The following COL6A6 variants were observed in gnomAD, a reference collection of about 807,000 sequenced individuals.
The protein encoded by COL6A6 is collagen alpha-6(VI) chain.
Under a neutral mutation model 208.6 loss-of-function variants are expected in COL6A6, and 183 were observed. The observed-to-expected ratio is 0.88, with a 90% CI of 0.78 to 0.99. The LOEUF (loss-of-function observed/expected upper bound fraction) is 0.99, where lower values mean the gene tolerates loss of function less well. Among genes scored for constraint, COL6A6 ranks in the 50% least tolerant of loss-of-function variants. The pLI is 0.00. For missense variants in COL6A6, 2,816 were observed against 2,815.2 expected, an observed-to-expected ratio of 1.00 and a Z score of -0.01; for synonymous variants, 973 against 1,011.8, an observed-to-expected ratio of 0.96 and a Z score of 0.73.
chr3:130,603,415 C>T (rs1310319368), intron 20 of COL6A6, among the ~76,000 whole-genome samples: 1 of 152,126 alleles, frequency 6.6e-6, no homozygotes, highest in Non-Finnish European at 1.5e-5. Context: ...GGGGATGGAC[C>T]TGTAGAGCTA....
intron 24 of COL6A6, among the ~76,000 whole-genome samples, chr3:130,626,121 C>T (rs1045235526): frequency 3.3e-5 from 5 of 152,176 alleles, no homozygotes; most frequent in Non-Finnish European, 7.4e-5. Flanking sequence ...GATTCTCCCT[C>T]AGAATATTAA....
intron 20 of COL6A6, among the ~76,000 whole-genome samples, chr3:130,602,022 T>G (rs2064038297): frequency 6.6e-6 from 1 of 152,078 alleles, no homozygotes; most frequent in South Asian, 2.1e-4. Flanking sequence ...AATATACACA[T>G]AGGGCCATAG....
chr3:130,661,509 A>T lies in COL6A6; in HGVS notation c.5831-128A>T. ...CCATGTACTAGGAAATCTTCCTGTT[A>T]CTATTAAAGTATTTAGTCACTATTT... On this transcript the variant is annotated intron_variant, in intron 34 of 36. Coordinates refer to ENST00000358511, the MANE Select transcript of COL6A6 (RefSeq NM_001102608.3). 4.3e-6 allele frequency: 3 copies of T among 701,100 alleles called. No homozygotes were observed. In the South Asian group the frequency reaches 6.9e-5, roughly 16 times the overall value. The allele number at this position is 701,100 out of a possible 1,614,324, so 43.4% of individuals were successfully genotyped here. A position where few individuals can be genotyped will look rare whatever the true frequency, so the allele number is the denominator to read the frequency against.
At chr3:130,537,095 A>G (rs1360974659) in intron 1 of COL6A6, among the ~76,000 whole-genome samples, 1 of 152,250 alleles carries the variant, frequency 6.6e-6, no homozygotes, top group Non-Finnish European at 1.5e-5. Context: ...GATGGCAGTC[A>G]TATTCAACTG....
intron 18 of COL6A6, among the ~76,000 whole-genome samples, chr3:130,597,612 T>C (rs943092518): frequency 2.0e-5 from 3 of 152,194 alleles, no homozygotes; most frequent in African/African-American, 7.2e-5. Flanking sequence ...GCTCAACTGA[T>C]TGTCTCAACA....
At chr3:130,582,197 T>A in intron 10 of COL6A6, 129 bp downstream of exon 10, 1 of 633,848 alleles carries the variant, frequency 1.6e-6, no homozygotes, top group East Asian at 2.7e-5. Context: ...CCGTATTCTG[T>A]ATGTACTAGG....
chr3:130,533,549 ATGTT>A (rs1327073100), intron 1 of COL6A6, among the ~76,000 whole-genome samples: 2 of 152,154 alleles, frequency 1.3e-5, no homozygotes, highest in Admixed American at 6.5e-5. Context: ...ACATCTTTCA[ATGTT>A]TGTTCAGACT....
chr3:130,527,805 G>T (rs2061991757), intron 1 of COL6A6, among the ~76,000 whole-genome samples: 1 of 151,638 alleles, frequency 6.6e-6, no homozygotes, highest in South Asian at 2.1e-4. Flanking sequence ...CTTATCATCT[G>T]GGACCTTCTA....
rs577276820 is a variant in COL6A6 at position 130,592,816 on chromosome 3, G to A, written c.4371+94G>A. 1.5e-5 allele frequency: 19 copies of A among 1,249,176 alleles called. No individual in the cohort carries two copies. In the East Asian group the frequency reaches 3.8e-4, roughly 25 times the overall value. The allele number at this position is 1,249,176 out of a possible 1,614,324, so 77.4% of individuals were successfully genotyped here. ...TTTATCAGTAAATTATACAAATAAA[G>A]TTGTCATTGACTTTCCTTTTTTATT... is the stretch of plus-strand genomic sequence containing the variant. On this transcript the variant is annotated intron_variant, in intron 15 of 36. Transcript: ENST00000358511.
At chr3:130,638,999 A>G (rs199652540) in intron 28 of COL6A6, among the ~76,000 whole-genome samples, 4 of 152,308 alleles carry the variant, frequency 2.6e-5, no homozygotes, top group East Asian at 3.9e-4. Flanking sequence ...GTGTTGGTCA[A>G]TTATTTTGAT....
Position 130,639,585 on chromosome 3 carries a change from AG to A in COL6A6, c.5092-2062del, listed in dbSNP as rs377666061. Among the ~76,000 whole-genome samples, 708 of 151,670 alleles carry A rather than the reference AG, an allele frequency of 4.7e-3. 1 individual carries two copies. The highest frequency in any genetic ancestry group is 0.014 in the South Asian group (69 of 4,762). On this transcript the variant is annotated intron_variant, in intron 28 of 36. Transcript: ENST00000358511. ...GCATGTACCTGTAGCCCCAGCTACC[AG>A]GGGGCTGAGGTGTGAGGATCACCTG...
chr3:130,603,061 C>T (rs180977464), intron 20 of COL6A6, among the ~76,000 whole-genome samples: 8 of 152,218 alleles, frequency 5.3e-5, no homozygotes, highest in East Asian at 1.9e-4. Flanking sequence ...GAGTGGCATG[C>T]GGGGAAATAA....
chr3:130,570,624 A>G (rs1251188007), intron 6 of COL6A6, among the ~76,000 whole-genome samples, 194 bp from the exon 7 acceptor site: 2 of 152,058 alleles, frequency 1.3e-5, no homozygotes, highest in Admixed American at 6.5e-5. Flanking sequence ...TTACAAGCTC[A>G]CCTAAGTGAG....
rs200576820 is a variant in COL6A6, at chr3:130,565,603, C to T, written c.1271C>T (p.Thr424Met). 5.6e-5 allele frequency: 90 copies of T among 1,610,446 alleles called. No individual in the cohort carries two copies. The highest frequency in any genetic ancestry group is 2.4e-4 in the Admixed American group (14 of 59,462). Residue 424 changes from threonine (T) to methionine (M), a missense_variant, in exon 4 of 37, where the codon ACG (threonine) becomes ATG (methionine). Transcript: ENST00000358511. ...TVSVFSERTE[T>M]LKSGCVDTEE... ...TCTGTCTTTTCAGAGAGGACTGAAACGCTCAAATCTGGTAAGGTCTTCTGC... is the reference window on the plus strand; with the variant it reads ...TCTGTCTTTTCAGAGAGGACTGAAATGCTCAAATCTGGTAAGGTCTTCTGC...
intron 1 of COL6A6, among the ~76,000 whole-genome samples, chr3:130,555,018 C>T (rs982380632): frequency 1.3e-5 from 2 of 152,166 alleles, no homozygotes; most frequent in Non-Finnish European, 2.9e-5. Context: ...CAGACTGGCT[C>T]CATCTCATGG....
chr3:130,596,480 C>T (rs2063853843), intron 18 of COL6A6, among the ~76,000 whole-genome samples: 1 of 152,186 alleles, frequency 6.6e-6, no homozygotes, highest in African/African-American at 2.4e-5. Context: ...AACTGTAAAA[C>T]AACTCTGTTT....
chr3:130,544,910 T>C (rs1302042177), intron 1 of COL6A6, among the ~76,000 whole-genome samples: 1 of 152,230 alleles, frequency 6.6e-6, no homozygotes, highest in Non-Finnish European at 1.5e-5. Flanking sequence ...GTTTTTTAAA[T>C]ATTAACTCCT....
intron 23 of COL6A6, among the ~76,000 whole-genome samples, 179 bp downstream of exon 23, chr3:130,610,890 A>G (rs918333437): frequency 1.3e-5 from 2 of 152,160 alleles, no homozygotes; most frequent in African/African-American, 2.4e-5. Flanking sequence ...AGAGCAGGCT[A>G]TCACTATCAG....
chr3:130,598,117 C>T (rs1475145233), intron 18 of COL6A6, among the ~76,000 whole-genome samples: 1 of 152,150 alleles, frequency 6.6e-6, no homozygotes, highest in South Asian at 2.1e-4. Context: ...CTTGCCTTGG[C>T]TGTGCCTTCT....
Sources: allele counts gnomAD v4.1 joint callset (sites outside exome capture counted in the v4.1 genomes callset), GRCh38; gene constraint gnomAD v4.1.1; transcripts MANE v1.5; gene names NCBI Gene and HGNC (gene_info 2026-07-23, HGNC 2026-07-21).